Variants in PHOX2A observed in about 807,000 individuals in gnomAD.
PHOX2A encodes the protein paired like homeobox 2A, also known as paired mesoderm homeobox protein 2A.
Under a neutral mutation model 16.4 loss-of-function variants are expected in PHOX2A, and 10 were observed. That is an observed-to-expected ratio of 0.61 (90% confidence interval 0.38 to 1.04). The LOEUF is 1.04. PHOX2A is among the 50% of genes least tolerant of loss of function. PHOX2A has a pLI of 0.01. For missense variants in PHOX2A, 361 were observed against 419.4 expected (o/e 0.86, Z 1.22); for synonymous variants, 219 against 203.8 (o/e 1.07, Z -0.64).
rs772635806 is a variant in PHOX2A, at chr11:72,241,301, T to A, written c.218-12A>T. On this transcript the variant is annotated splice_polypyrimidine_tract_variant and intron_variant, in intron 1 of 2. Coordinates refer to ENST00000298231, the MANE Select transcript of PHOX2A (RefSeq NM_005169.4). ...GAACTTGTAGGGCACTGCGGGTGTG[T>A]GCAGGGGGGCCGGGGGGGGGGCAAA... The A allele has an allele frequency of 5.4e-6, 4 of 734,914 alleles. No homozygotes were observed. Among genetic ancestry groups the A allele is most frequent in the Non-Finnish European group, 6.8e-6 (4 of 587,012 alleles). 45.5% of individuals were successfully genotyped at this position (734,914 alleles called of 1,614,324 possible). A position where few individuals can be genotyped will look rare whatever the true frequency, so the allele number is the denominator to read the frequency against.
In PHOX2A at chr11:72,239,325, T is replaced by C. The variant is rs1949089105; in HGVS notation, c.*424A>G. 6.4e-6 allele frequency: 1 copy of C among 157,094 alleles called. No homozygotes were observed. The highest frequency in any genetic ancestry group is 6.5e-5 in the Admixed American group (1 of 15,404). The allele number at this position is 157,094 out of a possible 1,614,324, so 9.7% of individuals were successfully genotyped here. A position where few individuals can be genotyped will look rare whatever the true frequency, so the allele number is the denominator to read the frequency against. On this transcript the variant is annotated 3_prime_UTR_variant, in exon 3 of 3. Transcript: ENST00000298231. ...CGGCGACCACCAGCCTCTGTACGGG[T>C]GGGCCCGAGGGGTGGGGCAGCGGGC...
rs566213946 is a variant in PHOX2A at position 72,241,427 on chromosome 11, G to A, written c.218-138C>T. On this transcript the variant is annotated intron_variant, in intron 1 of 2. Transcript: ENST00000298231. ...TGGCCTGATCCCTCGTCTTGGTCCC[G>A]GCAGCCTGGGGCCGAGCGTCCTCCC... 3.5e-4 allele frequency: 216 copies of A among 621,800 alleles called. No homozygotes were observed. The African/African-American group carries it at 3.5e-3, about 10-fold the overall frequency. The allele number at this position is 621,800 out of a possible 1,614,324, so 38.5% of individuals were successfully genotyped here. A position where few individuals can be genotyped will look rare whatever the true frequency, so the allele number is the denominator to read the frequency against.
At chr11:72,240,242 C>G (rs1949105210) in intron 2 of PHOX2A, 44 bp from the exon 3 acceptor site, 1 of 1,527,266 alleles carries the variant, frequency 6.5e-7, no homozygotes, top group Non-Finnish European at 8.7e-7. Flanking sequence ...GGTCGGAGAA[C>G]GCACGGGGTC....
intron 1 of PHOX2A, 25 bp from the exon 2 acceptor site, chr11:72,241,314 G>A (rs1379115579): frequency 2.4e-6 from 3 of 1,249,134 alleles, no homozygotes; most frequent in Non-Finnish European, 3.3e-6. Context: ...AGGGGGGCCG[G>A]GGGGGGGGCA....
rs775759442 is a variant in PHOX2A, at chr11:72,241,086, A to G, written c.405+16T>C. 1.2e-6 allele frequency: 2 copies of G among 1,610,830 alleles called. No individual in the cohort carries two copies. The highest frequency in any genetic ancestry group is 1.7e-6 in the Non-Finnish European group (2 of 1,177,414). ...CTTCCATGCGCACTCTCGTACACAC[A>G]CGTGCATACACGCACCTGCACGCGA... On this transcript the variant is annotated intron_variant, in intron 2 of 2. Coordinates refer to ENST00000298231, the MANE Select transcript of PHOX2A (RefSeq NM_005169.4).
intron 2 of PHOX2A, 108 bp from the exon 3 acceptor site, chr11:72,240,306 G>T: frequency 6.9e-7 from 1 of 1,443,882 alleles, no homozygotes; most frequent in Non-Finnish European, 9.2e-7. Context: ...AACCGGGCCC[G>T]GGTTCTTACT....
chr11:72,240,282 C>A, intron 2 of PHOX2A, 84 bp from the exon 3 acceptor site: 1 of 1,498,962 alleles, frequency 6.7e-7, no homozygotes, highest in Non-Finnish European at 8.9e-7. Context: ...CGAGTGAGAT[C>A]CTGGTTCGGA....
chr11:72,241,545 TC>T (rs1203014566), intron 1 of PHOX2A, among the ~76,000 whole-genome samples: 1 of 151,208 alleles, frequency 6.6e-6, no homozygotes, highest in African/African-American at 2.4e-5. Flanking sequence ...AATCCAATAC[TC>T]CAGCCAAGAC....
chr11:72,241,574 AC>A (rs1380767672), intron 1 of PHOX2A, among the ~76,000 whole-genome samples: 2 of 57,260 alleles, frequency 3.5e-5, no homozygotes, highest in Non-Finnish European at 7.6e-5. Context: ...CCCCCACCCC[AC>A]CCCCGTCGTC....
rs1406853947 is a variant in PHOX2A at position 72,244,033 on chromosome 11, G to A, written c.-29C>T. On this transcript the variant is annotated 5_prime_UTR_variant, in exon 1 of 3. Transcript: ENST00000298231. ...CCCGGGGGGCGGGGGCGGGGGCCGGGCCAGGCCGGGTCGGGGTCGGGGTCC... is the reference window on the plus strand; with the variant it reads ...CCCGGGGGGCGGGGGCGGGGGCCGGACCAGGCCGGGTCGGGGTCGGGGTCC... The A allele has an allele frequency of 1.9e-6, 2 of 1,047,850 alleles. No individual in the cohort carries two copies. 64.9% of individuals were successfully genotyped at this position (1,047,850 alleles called of 1,614,324 possible). A position where few individuals can be genotyped will look rare whatever the true frequency, so the allele number is the denominator to read the frequency against.
Position 72,241,107 on chromosome 11 carries a change from C to T in PHOX2A, c.400G>A (p.Val134Met), listed in dbSNP as rs1949116353. Residue 134 changes from valine to methionine, a missense_variant, in exon 2 of 3, where the codon GTG (valine) becomes ATG (methionine). By Grantham distance (21) the Val-to-Met change is conservative. Coordinates refer to ENST00000298231, the MANE Select transcript of PHOX2A (RefSeq NM_005169.4). ...ALKIDLTEAR[V>M]QVWFQNRRAK... ...ACACACGTGCATACACGCACCTGCA[C>T]GCGAGCCTCAGTGAGGTCGATCTTG... 6.2e-7 allele frequency: 1 copy of T among 1,613,790 alleles called. No homozygotes were observed. The highest frequency in any genetic ancestry group is 8.5e-7 in the Non-Finnish European group (1 of 1,180,020).
At chr11:72,241,745 C>T (rs1270858367) in intron 1 of PHOX2A, among the ~76,000 whole-genome samples, 1 of 151,866 alleles carries the variant, frequency 6.6e-6, no homozygotes, top group Non-Finnish European at 1.5e-5. Flanking sequence ...AGTCTTCCCA[C>T]TAACCAGTTC....
At chr11:72,242,915 C>G (rs905005886) in intron 1 of PHOX2A, among the ~76,000 whole-genome samples, 4 of 152,090 alleles carry the variant, frequency 2.6e-5, no homozygotes, top group African/African-American at 9.7e-5. Context: ...GATCCACCCG[C>G]CTTGGCCTCC....
chr11:72,242,869 G>C (rs556636856), intron 1 of PHOX2A, among the ~76,000 whole-genome samples: 1 of 150,982 alleles, frequency 6.6e-6, no homozygotes, highest in East Asian at 2.0e-4. Context: ...GTTTCACCAT[G>C]TTGGTTAGGC....
intron 1 of PHOX2A, 68 bp downstream of exon 1, chr11:72,243,720 T>G: frequency 1.0e-6 from 1 of 957,558 alleles, no homozygotes; most frequent in Non-Finnish European, 1.4e-6. Context: ...ACAGTCGCAT[T>G]CACTTGGCGA....
chr11:72,240,793 TC>T (rs1284059091), intron 2 of PHOX2A, among the ~76,000 whole-genome samples: 3 of 152,118 alleles, frequency 2.0e-5, no homozygotes, highest in Non-Finnish European at 2.9e-5. Context: ...CCTCCTCAGC[TC>T]GGCCCTGAGG....
In PHOX2A at chr11:72,239,967, C is replaced by T; in HGVS notation, c.637G>A (p.Ala213Thr). 1 of 1,311,396 alleles carries T rather than the reference C, an allele frequency of 7.6e-7. No homozygotes were observed. Among genetic ancestry groups the T allele is most frequent in the Non-Finnish European group, 9.7e-7 (1 of 1,031,764 alleles). 81.2% of individuals were successfully genotyped at this position (1,311,396 alleles called of 1,614,324 possible). The part of the protein sequence containing the change: ...PRLSPSPLPV[A>T]LGSGPGPGPG... ...CCAGGTCCCGGCCCGGAGCCCAGTG[C>T]GACGGGCAGCGGGCTGGGGCTCAGG... The change falls in exon 3 of 3, where the codon GCA becomes ACA. Residue 213 changes from alanine (A) to threonine (T), a missense_variant. By Grantham distance (58) the Ala-to-Thr change is moderately conservative. This residue lies in a region of PHOX2A where 55 missense variants were observed against 101.6 expected (regional missense o/e 0.54). Coordinates refer to ENST00000298231, the MANE Select transcript of PHOX2A (RefSeq NM_005169.4).
intron 2 of PHOX2A, 76 bp downstream of exon 2, chr11:72,241,026 A>AC (rs1949115117): frequency 1.4e-6 from 2 of 1,474,116 alleles, no homozygotes; most frequent in South Asian, 1.2e-5. Context: ...GTATTCCCCT[A>AC]CCCCCAGGTG....
chr11:72,240,133 C>G lies in PHOX2A; in HGVS notation c.471G>C (p.Ala157=), dbSNP rs978078939. ...CCTTTTTGGCGCCCGCCGCGCCCGC[C>G]GCGCCCTTGGCGCTGGCCGCGCGCT... ...KQERAASAKG[A]AGAAGAKKGE... The change falls in exon 3 of 3, where the codon GCG becomes GCC. Residue 157 remains alanine, a synonymous_variant. Transcript: ENST00000298231. 6.5e-7 allele frequency: 1 copy of G among 1,532,314 alleles called. No homozygotes were observed. Among genetic ancestry groups the G allele is most frequent in the Non-Finnish European group, 8.7e-7 (1 of 1,144,598 alleles). The allele number at this position is 1,532,314 out of a possible 1,614,324, so 94.9% of individuals were successfully genotyped here.
Sources: gnomAD v4.1 joint callset for allele counts (sites outside exome capture counted in the v4.1 genomes callset) on GRCh38, gnomAD v4.1.1 for gene constraint, gnomAD v4.1.1 regional missense constraint, MANE v1.5 for transcripts, NCBI Gene and HGNC (gene_info 2026-07-23, HGNC 2026-07-21) for gene names.